Variants in ANK2 observed in about 807,000 individuals in gnomAD.
ANK2 encodes ankyrin 2, also known as ankyrin-2.
In ANK2, 83 loss-of-function variants were observed where a neutral mutation model predicts 360.5. The observed-to-expected ratio is 0.23, with a 90% CI of 0.19 to 0.28. The LOEUF (loss-of-function observed/expected upper bound fraction) is 0.28, where lower values mean the gene tolerates loss of function less well. ANK2 is among the 10% of genes least tolerant of loss of function. ANK2 has a pLI of 1.00. For synonymous variants in ANK2, 1,740 were observed against 1,759.5 expected (o/e 0.99, Z 0.28); for missense variants, 4,201 against 4,795.7 (o/e 0.88, Z 3.66).
chr4:113,014,987 T>C (rs908761932), intron 2 of ANK2, among the ~76,000 whole-genome samples: 2 of 151,010 alleles, frequency 1.3e-5, no homozygotes, highest in African/African-American at 4.9e-5. Context: ...GCCTCCCGAG[T>C]AGCTGGGACT....
intron 45 of ANK2, chr4:113,374,946 G>A: frequency 1.8e-6 from 2 of 1,134,502 alleles, no homozygotes; most frequent in Non-Finnish European, 2.2e-6. Context: ...ACTTTGAAGA[G>A]GTATAGAAGC....
intron 4 of ANK2, among the ~76,000 whole-genome samples, chr4:113,219,487 T>C (rs529081296): frequency 8.1e-4 from 124 of 152,148 alleles, no homozygotes; most frequent in African/African-American, 2.8e-3. Context: ...ACAACTTAAA[T>C]AAAAGCATTA....
intron 1 of ANK2, among the ~76,000 whole-genome samples, chr4:113,068,170 T>C (rs582050): frequency 0.2 from 29,917 of 152,166 alleles, 4,577 homozygotes; most frequent in African/African-American, 0.43. Flanking sequence ...ACAATCACTA[T>C]TGCCTTGATG....
chr4:113,121,119 CATTTATT>C (rs2095324932), intron 1 of ANK2, among the ~76,000 whole-genome samples: 1 of 151,998 alleles, frequency 6.6e-6, no homozygotes. Flanking sequence ...TATTTGTGAT[CATTTATT>C]AAGTACCCAT....
rs1331185055 is a variant in ANK2, at chr4:113,231,045, CT to C, written c.385-1102del. Among the ~76,000 whole-genome samples the C allele has an allele frequency of 7.9e-3, 1,103 of 139,876 alleles. 6 individuals are homozygous for C. Among genetic ancestry groups the C allele is most frequent in the African/African-American group, 0.02 (753 of 38,340 alleles). The allele number at this position is 139,876 out of a possible 152,430, so 91.8% of individuals were successfully genotyped here. On this transcript the variant is annotated intron_variant, in intron 4 of 45. Coordinates refer to ENST00000357077, the MANE Select transcript of ANK2 (RefSeq NM_001148.6). ...ACTGAAATATAGACTTTTACATTTT[CT>C]TTTTTTTTTTTTTCTTTTTTTTTGA... is the stretch of plus-strand genomic sequence containing the variant.
chr4:113,160,616 A>G (rs74524034), intron 1 of ANK2, among the ~76,000 whole-genome samples: 146 of 150,336 alleles, frequency 9.7e-4, no homozygotes, highest in African/African-American at 3.6e-3. Flanking sequence ...CCCTTATATT[A>G]TATTTCCAGA....
intron 1 of ANK2, among the ~76,000 whole-genome samples, chr4:113,140,934 C>A (rs1483532730): frequency 6.6e-6 from 1 of 151,396 alleles, no homozygotes; most frequent in Non-Finnish European, 1.5e-5. Flanking sequence ...GCCAAGGTTG[C>A]GCCATTGCAC....
chr4:113,091,851 C>A (rs146014792), intron 1 of ANK2, among the ~76,000 whole-genome samples: 71 of 152,296 alleles, frequency 4.7e-4, no homozygotes, highest in Admixed American at 1.5e-3. Context: ...TTTCAGTTTG[C>A]GCTCTCTCAG....
chr4:112,804,691 A>C, the ANK2 span, among the ~76,000 whole-genome samples: 4 of 152,224 alleles, frequency 2.6e-5, no homozygotes, highest in East Asian at 7.7e-4. Context: ...ATATTTTCCA[A>C]ATATAAATGC....
intron 2 of ANK2, among the ~76,000 whole-genome samples, chr4:112,960,057 T>C (rs1328960539): frequency 1.3e-5 from 2 of 152,178 alleles, no homozygotes; most frequent in African/African-American, 4.8e-5. Context: ...ATAATAATAA[T>C]AATTTATTTA....
chr4:113,359,704 C>T (rs954812368), intron 38 of ANK2, among the ~76,000 whole-genome samples: 2 of 152,094 alleles, frequency 1.3e-5, no homozygotes, highest in African/African-American at 2.4e-5. Context: ...TTCTTATCTT[C>T]GCATACTTTA....
At chr4:113,324,899 G>A (rs549088824) in intron 26 of ANK2, among the ~76,000 whole-genome samples, 1 of 152,272 alleles carries the variant, frequency 6.6e-6, no homozygotes, top group African/African-American at 2.4e-5. Context: ...TAAAGGAATA[G>A]TAACTTTGGG....
chr4:112,891,103 C>G (rs1023432938), intron 1 of ANK2, among the ~76,000 whole-genome samples: 1 of 152,156 alleles, frequency 6.6e-6, no homozygotes, highest in Non-Finnish European at 1.5e-5. Context: ...CACCACAACA[C>G]TGGATTTGGT....
chr4:112,940,290 G>A (rs2094110410), intron 2 of ANK2, among the ~76,000 whole-genome samples: 1 of 152,158 alleles, frequency 6.6e-6, no homozygotes, highest in Non-Finnish European at 1.5e-5. Context: ...GTAAAGGAAA[G>A]TCAGATACGT....
chr4:113,040,081 G>T (rs2062584611), intron 2 of ANK2, among the ~76,000 whole-genome samples: 1 of 151,856 alleles, frequency 6.6e-6, no homozygotes, highest in South Asian at 2.1e-4. Flanking sequence ...CTATTTATTT[G>T]CATTTACAGG....
chr4:113,046,377 T>G (rs2064392315), upstream of ANK2, among the ~76,000 whole-genome samples: 1 of 152,146 alleles, frequency 6.6e-6, no homozygotes, highest in Non-Finnish European at 1.5e-5. Flanking sequence ...ATGACACTGC[T>G]ATGGCTTGAA....
chr4:113,001,409 A>G (rs1163116058), intron 2 of ANK2, among the ~76,000 whole-genome samples: 1 of 152,096 alleles, frequency 6.6e-6, no homozygotes, highest in Non-Finnish European at 1.5e-5. Flanking sequence ...AAAGTAAATA[A>G]CTAAGCAAAA....
chr4:112,754,066 C>T, the ANK2 span, among the ~76,000 whole-genome samples: 1 of 146,818 alleles, frequency 6.8e-6, no homozygotes, highest in African/African-American at 2.5e-5. Flanking sequence ...CCACTGCACT[C>T]CAGCCTGGGC....
chr4:112,734,652 C>T, the ANK2 span, among the ~76,000 whole-genome samples: 4 of 152,052 alleles, frequency 2.6e-5, no homozygotes, highest in East Asian at 1.9e-4. Context: ...TCTTATGCCA[C>T]GTATAATAAC....
Sources: gnomAD v4.1 joint callset for allele counts (sites outside exome capture counted in the v4.1 genomes callset) on GRCh38, gnomAD v4.1.1 for gene constraint, MANE v1.5 for transcripts, NCBI Gene and HGNC (gene_info 2026-07-23, HGNC 2026-07-21) for gene names.